Variants in DLGAP2 observed in about 807,000 individuals in gnomAD.
DLGAP2 encodes the protein DLG associated protein 2, also known as disks large-associated protein 2.
Under a neutral mutation model 100.3 loss-of-function variants are expected in DLGAP2, and 26 were observed. That is an observed-to-expected ratio of 0.26 (90% CI 0.19 to 0.36). The LOEUF (loss-of-function observed/expected upper bound fraction) is 0.36, where lower values mean the gene tolerates loss of function less well. Among genes scored for constraint, DLGAP2 ranks in the 10% least tolerant of loss-of-function variants. The pLI, the probability that DLGAP2 is intolerant of heterozygous loss-of-function variation, is 1.00. For missense variants in DLGAP2, 1,858 were observed against 1,453.2 expected (o/e 1.28, Z -4.53); for synonymous variants, 886 against 630.1 (o/e 1.41, Z -6.08).
At chr8:994,029 G>T (rs1248509197) in intron 2 of DLGAP2, among the ~76,000 whole-genome samples, 1 of 152,086 alleles carries the variant, frequency 6.6e-6, no homozygotes, top group African/African-American at 2.4e-5. Flanking sequence ...CTCTAGCAGT[G>T]CACTTAAACC....
At position 1,665,887 on chromosome 8, in the gene DLGAP2, C is replaced by T. The variant is rs1019973356; in HGVS notation, c.1811-2442C>T. 6.6e-5 allele frequency among the ~76,000 whole-genome samples: 10 copies of T among 152,360 alleles called. 1 individual carries two copies. The South Asian group carries it at 8.3e-4, about 13-fold the overall frequency. ...GGCTGTCACGTGGAAACCCCTTTATCGATGAGCCCTCCTCACATCTCCACC... is the reference window on the plus strand; with the variant it reads ...GGCTGTCACGTGGAAACCCCTTTATTGATGAGCCCTCCTCACATCTCCACC... On this transcript the variant is annotated intron_variant, in intron 8 of 14. Coordinates refer to ENST00000637795, the MANE Select transcript of DLGAP2 (RefSeq NM_001346810.2).
intron 2 of DLGAP2, among the ~76,000 whole-genome samples, chr8:947,978 C>G (rs1209550722): frequency 1.3e-5 from 2 of 150,794 alleles, no homozygotes; most frequent in African/African-American, 2.4e-5. Context: ...CATGGCTTCC[C>G]TGATCCCATG....
intron 2 of DLGAP2, among the ~76,000 whole-genome samples, chr8:947,010 C>A (rs1799342529): frequency 6.6e-6 from 1 of 152,312 alleles, no homozygotes; most frequent in East Asian, 1.9e-4. Flanking sequence ...GGTGGCTGCA[C>A]TCGGCTGCAC....
intron 2 of DLGAP2, among the ~76,000 whole-genome samples, chr8:1,162,044 G>T (rs772203602): frequency 6.6e-6 from 1 of 152,234 alleles, no homozygotes; most frequent in Non-Finnish European, 1.5e-5. Context: ...TGTGAGGGGA[G>T]CCCGGAGCCT....
At chr8:1,181,304 C>T (rs192723625) in intron 2 of DLGAP2, among the ~76,000 whole-genome samples, 40 of 152,316 alleles carry the variant, frequency 2.6e-4, no homozygotes, top group Middle Eastern at 6.8e-3. Context: ...TAACGTGTTT[C>T]GTGGTCTGTA....
chr8:903,993 C>G (rs1798322044), intron 1 of DLGAP2, among the ~76,000 whole-genome samples: 1 of 152,218 alleles, frequency 6.6e-6, no homozygotes, highest in South Asian at 2.1e-4. Flanking sequence ...GGGCCTGGGC[C>G]TCTGGACGCA....
At chr8:1,237,714 C>A (rs1308176326) in intron 2 of DLGAP2, among the ~76,000 whole-genome samples, 5 of 90,998 alleles carry the variant, frequency 5.5e-5, no homozygotes, top group South Asian at 5.1e-4. Context: ...CACATGGTGC[C>A]ATGTCTAGTT....
At chr8:1,544,889 T>C (rs1801482569) in intron 4 of DLGAP2, among the ~76,000 whole-genome samples, 1 of 152,034 alleles carries the variant, frequency 6.6e-6, no homozygotes, top group African/African-American at 2.4e-5. Context: ...TGCGCCACCA[T>C]GCCCAGCTTA....
intron 3 of DLGAP2, among the ~76,000 whole-genome samples, chr8:1,467,831 G>A (rs1396424343): frequency 6.6e-6 from 1 of 152,196 alleles, no homozygotes; most frequent in African/African-American, 2.4e-5. Flanking sequence ...TGCAGGGGTG[G>A]CGCCAGGGTG....
chr8:1,327,598 A>C (rs563980275), intron 3 of DLGAP2, among the ~76,000 whole-genome samples: 1 of 152,302 alleles, frequency 6.6e-6, no homozygotes, highest in African/African-American at 2.4e-5. Context: ...TAATCCCAGC[A>C]CTTTGGGAGG....
chr8:1,309,020 C>T (rs902509448), intron 3 of DLGAP2, among the ~76,000 whole-genome samples: 31 of 151,914 alleles, frequency 2.0e-4, no homozygotes, highest in African/African-American at 7.3e-4. Flanking sequence ...AAAGTGTCTA[C>T]AGTTAAATAT....
chr8:1,023,357 A>G (rs1801682429), intron 2 of DLGAP2, among the ~76,000 whole-genome samples: 1 of 152,076 alleles, frequency 6.6e-6, no homozygotes, highest in Non-Finnish European at 1.5e-5. Context: ...AGCAATATGT[A>G]GAGGGGGTGT....
At chr8:1,552,307 A>G (rs893579414) in intron 5 of DLGAP2, among the ~76,000 whole-genome samples, 2 of 152,242 alleles carry the variant, frequency 1.3e-5, no homozygotes, top group Non-Finnish European at 2.9e-5. Flanking sequence ...GTTTTCTTGC[A>G]GTAGCAAGCT....
At chr8:1,449,043 G>C (rs1393713029) in intron 3 of DLGAP2, among the ~76,000 whole-genome samples, 9 of 152,218 alleles carry the variant, frequency 5.9e-5, no homozygotes, top group African/African-American at 2.2e-4. Context: ...GCACGGGTCA[G>C]GGACGGCACA....
chr8:1,362,489 G>T (rs1370152762), intron 3 of DLGAP2, among the ~76,000 whole-genome samples: 1 of 152,096 alleles, frequency 6.6e-6, no homozygotes, highest in African/African-American at 2.4e-5. Flanking sequence ...ACACCCGTCA[G>T]TGTCCTCATT....
intron 5 of DLGAP2, among the ~76,000 whole-genome samples, chr8:1,549,976 G>A (rs968380431): frequency 3.9e-5 from 6 of 152,156 alleles, no homozygotes; most frequent in African/African-American, 1.4e-4. Flanking sequence ...CTCTTGAGCT[G>A]ACCCCTCCTC....
At chr8:1,133,740 A>C (rs1796344700) in intron 2 of DLGAP2, among the ~76,000 whole-genome samples, 1 of 152,242 alleles carries the variant, frequency 6.6e-6, no homozygotes. Flanking sequence ...AGTAATCTAA[A>C]ACCAGACTTT....
chr8:946,749 T>C (rs866847522), intron 2 of DLGAP2, among the ~76,000 whole-genome samples: 5 of 152,216 alleles, frequency 3.3e-5, no homozygotes, highest in Non-Finnish European at 5.9e-5. Context: ...CATAGTGGTC[T>C]TGAGAATTCT....
chr8:779,179 A>C (rs1821617201), intron 1 of DLGAP2, among the ~76,000 whole-genome samples: 2 of 152,212 alleles, frequency 1.3e-5, no homozygotes, highest in South Asian at 4.1e-4. Flanking sequence ...GAGTGAGGCA[A>C]TGCCTCGCCC....
Sources: allele counts gnomAD v4.1 joint callset (sites outside exome capture counted in the v4.1 genomes callset), GRCh38; gene constraint gnomAD v4.1.1; transcripts MANE v1.5; gene names NCBI Gene and HGNC (gene_info 2026-07-23, HGNC 2026-07-21).